PSAT1: variants seen among roughly 807,000 people sequenced by gnomAD.
PSAT1 encodes the protein phosphoserine aminotransferase.
A neutral mutation model predicts 40.3 loss-of-function variants in PSAT1; 41 were observed. The ratio of observed to expected loss-of-function variants is 1.02; its 90% confidence interval spans 0.79 to 1.32. PSAT1 has a LOEUF of 1.32. Ranked by LOEUF, PSAT1 falls within the 40% of genes most tolerant of loss-of-function variation. The pLI is 0.00. For synonymous variants in PSAT1, 147 were observed against 170.5 expected, an observed-to-expected ratio of 0.86 and a Z score of 1.07; for missense variants, 406 against 455.8, an observed-to-expected ratio of 0.89 and a Z score of 0.99.
At chr9:78,314,714 T>G (rs1437453976) in intron 6 of PSAT1, among the ~76,000 whole-genome samples, 1 of 152,066 alleles carries the variant, frequency 6.6e-6, no homozygotes, top group Admixed American at 6.6e-5. Flanking sequence ...CCAGAGATCA[T>G]GGGCGGCGAG....
At chr9:78,305,930 G>A (rs922743533) in intron 4 of PSAT1, among the ~76,000 whole-genome samples, 3 of 152,108 alleles carry the variant, frequency 2.0e-5, no homozygotes, top group Non-Finnish European at 4.4e-5. Flanking sequence ...TGTGTTGCCC[G>A]GGTTGGAGTA....
intron 6 of PSAT1, among the ~76,000 whole-genome samples, chr9:78,312,753 T>C (rs1182574523): frequency 6.6e-6 from 1 of 152,118 alleles, no homozygotes; most frequent in African/African-American, 2.4e-5. Context: ...ATTAAGTTTG[T>C]GGGCCTGTTT....
chr9:78,320,749 C>T (rs1484772348), intron 7 of PSAT1, among the ~76,000 whole-genome samples: 1 of 151,320 alleles, frequency 6.6e-6, no homozygotes, highest in Non-Finnish European at 1.5e-5. Flanking sequence ...TTGTTCTAGG[C>T]TCCTGGAAGA....
intron 6 of PSAT1, among the ~76,000 whole-genome samples, chr9:78,312,886 C>T (rs1057172019): frequency 2.0e-5 from 3 of 152,068 alleles, no homozygotes; most frequent in African/African-American, 2.4e-5. Context: ...GAAAAGTGCT[C>T]AACTCAGTGG....
At chr9:78,316,373 C>T (rs1279125517) in intron 6 of PSAT1, among the ~76,000 whole-genome samples, 3 of 152,198 alleles carry the variant, frequency 2.0e-5, no homozygotes, top group Non-Finnish European at 4.4e-5. Flanking sequence ...ATCCTGGCTT[C>T]TCTCAGCGGG....
intron 1 of PSAT1, 110 bp downstream of exon 1, chr9:78,297,380 C>A: frequency 3.2e-6 from 4 of 1,266,322 alleles, no homozygotes; most frequent in Non-Finnish European, 4.4e-6. Flanking sequence ...TGCCTTGAGT[C>A]CCCTAGGCGC....
chr9:78,306,440 G>A lies in PSAT1; in HGVS notation c.524G>A (p.Cys175Tyr). 1 of 1,614,214 alleles carries A rather than the reference G, an allele frequency of 6.2e-7. No individual in the cohort carries two copies. Among genetic ancestry groups the A allele is most frequent in the Non-Finnish European group, 8.5e-7 (1 of 1,180,048 alleles). ...IPDVKGAVLV[C>Y]DMSSNFLSKP... is the part of the protein sequence containing the mutation. ...GATGTCAAGGGAGCAGTACTGGTTTGTGACATGTCCTCAAACTTCCTGTCC... is the reference window on the plus strand; with the variant it reads ...GATGTCAAGGGAGCAGTACTGGTTTATGACATGTCCTCAAACTTCCTGTCC... The change falls in exon 5 of 9, where the codon TGT becomes TAT. Residue 175 changes from cysteine to tyrosine, a missense_variant. Cys to Tyr is a radical substitution (Grantham distance 194). Transcript: ENST00000376588.
intron 2 of PSAT1, 30 bp downstream of exon 2, chr9:78,300,692 T>C: frequency 6.5e-7 from 1 of 1,532,128 alleles, no homozygotes; most frequent in East Asian, 2.3e-5. Flanking sequence ...TCTGTGAATG[T>C]CCATGTTTCA....
intron 1 of PSAT1, 25 bp from the exon 2 acceptor site, chr9:78,300,577 C>G: frequency 6.2e-7 from 1 of 1,604,978 alleles, no homozygotes; most frequent in Middle Eastern, 1.7e-4. Context: ...TTTAAATAAC[C>G]CTATTTTCCT....
intron 2 of PSAT1, among the ~76,000 whole-genome samples, chr9:78,301,137 G>T (rs1196720086): frequency 6.6e-6 from 1 of 152,026 alleles, no homozygotes; most frequent in Non-Finnish European, 1.5e-5. Context: ...TTAATAGCTT[G>T]GGTTGCATGT....
At chr9:78,298,537 G>A (rs1828060747) in intron 1 of PSAT1, 1 of 703,696 alleles carries the variant, frequency 1.4e-6, no homozygotes, top group African/African-American at 1.9e-5. Flanking sequence ...TGCTCCAGCT[G>A]TGGAGATGTT....
At chr9:78,314,533 G>A (rs569703567) in intron 6 of PSAT1, among the ~76,000 whole-genome samples, 11 of 152,238 alleles carry the variant, frequency 7.2e-5, no homozygotes, top group African/African-American at 2.6e-4. Flanking sequence ...GGGGAGGCAG[G>A]ACCTCCTATC....
intron 7 of PSAT1, among the ~76,000 whole-genome samples, chr9:78,319,386 G>A (rs553731674): frequency 1.3e-3 from 193 of 152,322 alleles, no homozygotes; most frequent in African/African-American, 4.3e-3. Flanking sequence ...AGGCTTGGCG[G>A]GATGCCTTGG....
chr9:78,322,597 C>A (rs1004561913), intron 7 of PSAT1, among the ~76,000 whole-genome samples: 3 of 151,956 alleles, frequency 2.0e-5, no homozygotes, highest in South Asian at 2.1e-4. Flanking sequence ...TAAACAGAAT[C>A]AAAAATGACA....
chr9:78,313,992 C>T (rs1035206733), intron 6 of PSAT1, among the ~76,000 whole-genome samples: 1 of 152,168 alleles, frequency 6.6e-6, no homozygotes, highest in Non-Finnish European at 1.5e-5. Flanking sequence ...AATGGACATA[C>T]CTCGATTTAT....
chr9:78,299,463 T>G (rs1828075303), intron 1 of PSAT1, among the ~76,000 whole-genome samples: 1 of 149,562 alleles, frequency 6.7e-6, no homozygotes, highest in African/African-American at 2.4e-5. Context: ...CAGAAAACAA[T>G]AACACATTCT....
At chr9:78,321,194 TC>T (rs1271605896) in intron 7 of PSAT1, among the ~76,000 whole-genome samples, 1 of 152,086 alleles carries the variant, frequency 6.6e-6, no homozygotes, top group East Asian at 1.9e-4. Context: ...ACCCAGGACT[TC>T]CAGTCCTTTT....
chr9:78,301,548 T>C (rs1174534484), intron 2 of PSAT1, among the ~76,000 whole-genome samples: 3 of 152,198 alleles, frequency 2.0e-5, no homozygotes, highest in African/African-American at 7.2e-5. Flanking sequence ...ATTTTGCTCC[T>C]GTTGGTTTGG....
At chr9:78,325,775 C>T (rs1379750600) in intron 7 of PSAT1, among the ~76,000 whole-genome samples, 1 of 152,238 alleles carries the variant, frequency 6.6e-6, no homozygotes, top group African/African-American at 2.4e-5. Context: ...ATGGGTAGTG[C>T]ATAAATATTT....
Sources: allele counts gnomAD v4.1 joint callset (sites outside exome capture counted in the v4.1 genomes callset), GRCh38; gene constraint gnomAD v4.1.1; transcripts MANE v1.5; gene names NCBI Gene and HGNC (gene_info 2026-07-23, HGNC 2026-07-21).